MKRN2OS: variants seen among roughly 807,000 people sequenced by gnomAD.
MKRN2OS encodes the protein MKRN2 opposite strand protein.
In MKRN2OS, 17 loss-of-function variants were observed where a neutral mutation model predicts 18.2. That is an observed-to-expected ratio of 0.93 (90% CI 0.64 to 1.40). MKRN2OS has a LOEUF of 1.40. Among genes scored for constraint, MKRN2OS ranks in the 40% most tolerant of loss-of-function variants. The pLI is 0.00. For missense variants in MKRN2OS, 337 were observed against 283.0 expected, an observed-to-expected ratio of 1.19 and a Z score of -1.37; for synonymous variants, 121 against 108.5, an observed-to-expected ratio of 1.12 and a Z score of -0.72.
intron 1 of MKRN2OS, chr3:12,556,943 AG>A (rs2057976501): frequency 2.3e-6 from 1 of 443,864 alleles, no homozygotes; most frequent in African/African-American, 2.1e-5. Context: ...ATGCCGGGAC[AG>A]CCGGCCCGAT....
chr3:12,543,074 G>T, intron 2 of MKRN2OS, 106 bp downstream of exon 2: 3 of 921,468 alleles, frequency 3.3e-6, no homozygotes, highest in South Asian at 3.2e-5. Flanking sequence ...AGAACCCAGT[G>T]AACAATGGAA....
At chr3:12,546,575 A>ATTTTTTTTT (rs1160434615), upstream of MKRN2OS, among the ~76,000 whole-genome samples, 157 of 97,104 alleles carry the variant, frequency 1.6e-3, 10 homozygotes, top group African/African-American at 4.0e-3. Context: ...GGTACATGGG[A>ATTTTTTTTT]TTTTTTTTTT....
rs898683788 is a variant in MKRN2OS, at chr3:12,545,343, A to G, written c.122T>C (p.Leu41Pro). 9.1e-6 allele frequency: 14 copies of G among 1,536,034 alleles called. No homozygotes were observed. In the Admixed American group the frequency reaches 2.0e-4, roughly 22 times the overall value. ...LCQQDLGSRK[L>P]EDAPVSIANP... ...AGCGATGCTAACAGGTGCGTCCTCC[A>G]GCTTCCTCGAGCCCAGGTCCTGCTG... The change falls in exon 1 of 4, where the codon CTG (leucine) becomes CCG (proline). Residue 41 changes from leucine (L) to proline (P), a missense_variant. Leu to Pro is a moderately conservative substitution (Grantham distance 98). Coordinates refer to ENST00000564146, the MANE Select transcript of MKRN2OS (RefSeq NM_001195279.2).
intron 1 of MKRN2OS, 29 bp from the exon 2 acceptor site, chr3:12,543,258 G>C: frequency 7.0e-7 from 1 of 1,422,812 alleles, no homozygotes; most frequent in Non-Finnish European, 9.5e-7. Context: ...GTTTTTTTTT[G>C]GTTTGCATGT....
chr3:12,557,228 G>T lies in MKRN2OS; in HGVS notation n.265-3094C>A, dbSNP rs544120713. On this transcript the variant is annotated intron_variant and non_coding_transcript_variant, in intron 1 of 1. Coordinates refer to the MKRN2OS transcript ENST00000447550. ...GGGCCGCTCCCCCAGGCCGCAGGGG[G>T]GCCGGTGCGCGCCAGTGCTGTGGTC... is the stretch of plus-strand genomic sequence containing the variant. 15 of 1,520,768 alleles carry T rather than the reference G, an allele frequency of 9.9e-6. No individual in the cohort carries two copies. In the African/African-American group the frequency reaches 1.0e-4, roughly 10 times the overall value. The allele number at this position is 1,520,768 out of a possible 1,614,324, so 94.2% of individuals were successfully genotyped here.
intron 3 of MKRN2OS, 92 bp downstream of exon 3, chr3:12,541,768 C>T: frequency 7.6e-7 from 1 of 1,307,566 alleles, no homozygotes; most frequent in Non-Finnish European, 1.0e-6. Flanking sequence ...AAGCTAAGTG[C>T]TGCTGAGTCC....
rs540288607 is a variant in MKRN2OS, at chr3:12,554,379, A to G, written n.265-245T>C. Among the ~76,000 whole-genome samples the G allele has an allele frequency of 2.0e-4, 31 of 152,294 alleles. 1 individual carries two copies. The highest frequency in any genetic ancestry group is 4.3e-4 in the Non-Finnish European group (29 of 68,018). The stretch of plus-strand genomic sequence containing the variant: ...GGGAAAAGTCTAAGTGCTAAGTACC[A>G]TGACAGTGGCAGGAACCAAGCTGTT... On this transcript the variant is annotated intron_variant and non_coding_transcript_variant, in intron 1 of 1. Transcript: ENST00000447550.
chr3:12,552,370 T>C (rs1373619533), downstream of MKRN2OS, among the ~76,000 whole-genome samples: 2 of 151,692 alleles, frequency 1.3e-5, no homozygotes, highest in African/African-American at 4.8e-5. Context: ...AATAGCTTTA[T>C]ATATAAGAAA....
At chr3:12,543,731 A>G (rs541724154) in intron 1 of MKRN2OS, among the ~76,000 whole-genome samples, 57 of 152,042 alleles carry the variant, frequency 3.7e-4, no homozygotes, top group Admixed American at 1.1e-3. Flanking sequence ...ACTAAAAAAT[A>G]AAATACAAAA....
Position 12,540,341 on chromosome 3 carries a change from C to T in MKRN2OS, c.524G>A (p.Gly175Asp), listed in dbSNP as rs1559379075. ...GACCACGTACTTCTCCGTAAATTCA[C>T]CCTTGTCCAGTTGCTGTCTACCTTC... is the stretch of plus-strand genomic sequence containing the variant. Reference protein sequence around the residue: ...MAEGRQQLDKGEFTEKYVVPR... With the variant: ...MAEGRQQLDKDEFTEKYVVPR... The change falls in exon 4 of 4, where the codon GGT becomes GAT. Residue 175 changes from glycine (G) to aspartate (D), a missense_variant. Coordinates refer to ENST00000564146, the MANE Select transcript of MKRN2OS (RefSeq NM_001195279.2). 1.3e-6 allele frequency: 2 copies of T among 1,536,100 alleles called. No individual in the cohort carries two copies. The highest frequency in any genetic ancestry group is 4.9e-5 in the East Asian group (2 of 40,920).
chr3:12,555,345 T>C (rs2596822), intron 1 of MKRN2OS, among the ~76,000 whole-genome samples: 87,744 of 148,818 alleles, frequency 0.59, 28,843 homozygotes, highest in African/African-American at 0.89. Context: ...GTAATTTTTA[T>C]GAGCATGAAT....
At chr3:12,557,848 G>A (rs1559385261) in intron 1 of MKRN2OS, among the ~76,000 whole-genome samples, 2 of 152,210 alleles carry the variant, frequency 1.3e-5, no homozygotes, top group African/African-American at 4.8e-5. Context: ...ATCTTACTGA[G>A]AGAGCCATTT....
At chr3:12,555,052 G>A (rs2057956607) in intron 1 of MKRN2OS, among the ~76,000 whole-genome samples, 1 of 152,192 alleles carries the variant, frequency 6.6e-6, no homozygotes, top group Admixed American at 6.5e-5. Context: ...GCTCTCGCCC[G>A]TAATCCCAGC....
At position 12,560,705 on chromosome 3, in the gene MKRN2OS, T is replaced by C. The variant is rs955634282; in HGVS notation, n.264+52A>G. 2 of 152,374 alleles carry C rather than the reference T, an allele frequency of 1.3e-5. 1 individual carries two copies. The allele number at this position is 152,374 out of a possible 1,614,324, so 9.4% of individuals were successfully genotyped here. ...AGCCATACTGTCTGAAACAGTCTTTTGGGTTTACCCAGGGTAACACCCCTT... is the reference window on the plus strand; with the variant it reads ...AGCCATACTGTCTGAAACAGTCTTTCGGGTTTACCCAGGGTAACACCCCTT... On this transcript the variant is annotated intron_variant and non_coding_transcript_variant, in intron 1 of 1. Transcript: ENST00000447550.
chr3:12,540,556 C>T (rs2057783669), intron 3 of MKRN2OS, 123 bp from the exon 4 acceptor site: 1 of 1,154,116 alleles, frequency 8.7e-7, no homozygotes. Context: ...CATGTGCTGG[C>T]TTATGTGGTT....
intron 1 of MKRN2OS, 124 bp downstream of exon 1, chr3:12,545,123 C>T: frequency 1.4e-6 from 1 of 734,454 alleles, no homozygotes; most frequent in Non-Finnish European, 2.2e-6. Context: ...GATTTAAAGC[C>T]AAAGCACCGA....
At chr3:12,557,260 C>A in intron 1 of MKRN2OS, 1 of 1,489,684 alleles carries the variant, frequency 6.7e-7, no homozygotes, top group South Asian at 1.2e-5. Context: ...GGTCCGGGAA[C>A]CTGAGGCTAG....
chr3:12,559,845 TCTC>T (rs2058021862), intron 1 of MKRN2OS, among the ~76,000 whole-genome samples: 1 of 152,154 alleles, frequency 6.6e-6, no homozygotes, highest in South Asian at 2.1e-4. Context: ...TATTTCACCT[TCTC>T]CTCTTGTGAT....
chr3:12,550,989 G>A (rs1247911652), downstream of MKRN2OS, among the ~76,000 whole-genome samples: 1 of 152,156 alleles, frequency 6.6e-6, no homozygotes, highest in African/African-American at 2.4e-5. Context: ...TACAGTATCA[G>A]TAATACAGGT....
Sources: gnomAD v4.1 joint callset for allele counts (sites outside exome capture counted in the v4.1 genomes callset) on GRCh38, gnomAD v4.1.1 for gene constraint, MANE v1.5 for transcripts, NCBI Gene and HGNC (gene_info 2026-07-23, HGNC 2026-07-21) for gene names.